The following ITPR2 variants were observed in gnomAD, a reference collection of about 807,000 sequenced individuals.
The protein encoded by ITPR2 is inositol 1,4,5-trisphosphate receptor type 2.
A neutral mutation model predicts 317.1 loss-of-function variants in ITPR2; 207 were observed. That is an observed-to-expected ratio of 0.65 (90% CI 0.58 to 0.73). The LOEUF (loss-of-function observed/expected upper bound fraction) is 0.73. Ranked by LOEUF, ITPR2 falls within the 30% of genes least tolerant of loss-of-function variation. The pLI is 0.00. For missense variants in ITPR2, 2,613 were observed against 3,284.0 expected (o/e 0.80, Z 4.99); for synonymous variants, 1,156 against 1,149.1 (o/e 1.01, Z -0.12).
chr12:26,781,992 GTATATA>G (rs1161714052), intron 2 of ITPR2, among the ~76,000 whole-genome samples: 2,589 of 56,512 alleles, frequency 0.046, 31 homozygotes, highest in Middle Eastern at 0.076. Flanking sequence ...AAACTCCCCT[GTATATA>G]TATATATATA....
At chr12:26,624,807 C>A (rs1449533682) in intron 23 of ITPR2, among the ~76,000 whole-genome samples, 1 of 150,848 alleles carries the variant, frequency 6.6e-6, no homozygotes, top group Non-Finnish European at 1.5e-5. Flanking sequence ...AATTGAGCTA[C>A]CATATGATCC....
chr12:26,811,201 T>C (rs1370818462), intron 1 of ITPR2, among the ~76,000 whole-genome samples: 1 of 152,258 alleles, frequency 6.6e-6, no homozygotes, highest in African/African-American at 2.4e-5. Flanking sequence ...TTTCCAAATA[T>C]GTTTCTTCAT....
At chr12:26,666,162 A>ATAGATAGATTGAT (rs34107444) in intron 13 of ITPR2, 111 bp from the exon 14 acceptor site, 37 of 400,482 alleles carry the variant, frequency 9.2e-5, no homozygotes, top group Non-Finnish European at 1.5e-4. Context: ...AGATAGATAG[A>ATAGATAGATTGAT]TTTTTTTTTA....
intron 26 of ITPR2, among the ~76,000 whole-genome samples, chr12:26,615,630 A>G (rs1413103831): frequency 6.6e-6 from 1 of 152,092 alleles, no homozygotes; most frequent in African/African-American, 2.4e-5. Context: ...AATGGAAGCC[A>G]GAAGACATGG....
chr12:26,376,045 G>A (rs1416437125), intron 55 of ITPR2, among the ~76,000 whole-genome samples: 3 of 152,188 alleles, frequency 2.0e-5, no homozygotes, highest in African/African-American at 7.2e-5. Context: ...ATGCTGCAGT[G>A]AGCCAGGATC....
rs187832398 is a variant in ITPR2 at position 26,431,253 on chromosome 12, T to C, written c.6770-3165A>G. ...TCTAATATAATTTTTTAAAATCACA[T>C]ACTATCTTGGTATAAGACATTCTCA... On this transcript the variant is annotated intron_variant, in intron 48 of 56. Coordinates refer to ENST00000381340, the MANE Select transcript of ITPR2 (RefSeq NM_002223.4). 1.3e-4 allele frequency among the ~76,000 whole-genome samples: 20 copies of C among 152,336 alleles called. No homozygotes were observed. In the East Asian group the frequency reaches 3.7e-3, roughly 28 times the overall value.
chr12:26,425,178 A>G (rs1271894065), intron 49 of ITPR2, among the ~76,000 whole-genome samples: 1 of 152,034 alleles, frequency 6.6e-6, no homozygotes. Flanking sequence ...TCCTGTCCTC[A>G]AGCAATCATC....
intron 39 of ITPR2, 56 bp downstream of exon 39, chr12:26,494,097 A>C (rs1447903520): frequency 7.3e-7 from 1 of 1,362,162 alleles, no homozygotes; most frequent in South Asian, 1.4e-5. Flanking sequence ...TTTCTGTGAC[A>C]AGTAAACAAG....
At chr12:26,721,306 T>A in intron 5 of ITPR2, 1 of 617,060 alleles carries the variant, frequency 1.6e-6, no homozygotes, top group Non-Finnish European at 3.0e-6. Flanking sequence ...TATCACCAGA[T>A]AATTTATTAA....
intron 1 of ITPR2, among the ~76,000 whole-genome samples, chr12:26,827,635 A>G (rs1340959026): frequency 6.6e-6 from 1 of 152,240 alleles, no homozygotes; most frequent in Non-Finnish European, 1.5e-5. Flanking sequence ...ACTTATTTAC[A>G]TGCTAAACAT....
chr12:26,409,915 G>A lies in ITPR2; in HGVS notation c.7399+1405C>T, dbSNP rs146907000. On this transcript the variant is annotated intron_variant, in intron 52 of 56. Transcript: ENST00000381340. ...AAATATGTAGAAAAAAAATGCATGG[G>A]CTTCTATTTGAAATCCCAAACTCCT... Among the ~76,000 whole-genome samples the A allele has an allele frequency of 3.4e-3, 511 of 152,302 alleles. 2 individuals are homozygous for A. Among genetic ancestry groups the A allele is most frequent in the Admixed American group, 6.5e-3 (100 of 15,300 alleles).
intron 45 of ITPR2, among the ~76,000 whole-genome samples, chr12:26,444,613 T>G (rs986311819): frequency 6.6e-6 from 1 of 152,160 alleles, no homozygotes; most frequent in Middle Eastern, 3.2e-3. Flanking sequence ...ACAGAGAGTG[T>G]AAGGAACTTG....
chr12:26,572,581 G>T (rs191669941), intron 34 of ITPR2, among the ~76,000 whole-genome samples: 44 of 152,300 alleles, frequency 2.9e-4, no homozygotes, highest in South Asian at 2.7e-3. Flanking sequence ...TTTAGCTGTT[G>T]GCTAAATTTT....
chr12:26,583,614 T>C (rs1406822706), intron 32 of ITPR2, among the ~76,000 whole-genome samples: 1 of 152,176 alleles, frequency 6.6e-6, no homozygotes, highest in Non-Finnish European at 1.5e-5. Context: ...GGTGACCTAA[T>C]TTATGAATTC....
At chr12:26,544,468 C>T (rs1350347609) in intron 37 of ITPR2, among the ~76,000 whole-genome samples, 2 of 151,810 alleles carry the variant, frequency 1.3e-5, no homozygotes, top group African/African-American at 4.8e-5. Flanking sequence ...AATTTAGAAT[C>T]CCAGGGTTGA....
chr12:26,427,366 C>G (rs1006916070), intron 49 of ITPR2, among the ~76,000 whole-genome samples: 1 of 152,094 alleles, frequency 6.6e-6, no homozygotes, highest in African/African-American at 2.4e-5. Context: ...AATACTACTA[C>G]TCTGTGCTTC....
At chr12:26,506,337 C>A (rs1943182851) in intron 37 of ITPR2, among the ~76,000 whole-genome samples, 1 of 151,734 alleles carries the variant, frequency 6.6e-6, no homozygotes, top group African/African-American at 2.4e-5. Flanking sequence ...AGCAAGACTT[C>A]ATCTCTAATA....
intron 38 of ITPR2, among the ~76,000 whole-genome samples, chr12:26,494,595 C>G (rs1222590372): frequency 6.6e-6 from 1 of 151,514 alleles, no homozygotes; most frequent in Non-Finnish European, 1.5e-5. Context: ...CAGAGTGAAA[C>G]CCCAATTCTA....
chr12:26,638,400 T>C (rs1407976512), intron 21 of ITPR2, among the ~76,000 whole-genome samples: 2 of 152,220 alleles, frequency 1.3e-5, no homozygotes, highest in Admixed American at 6.5e-5. Flanking sequence ...ACGAACCACA[T>C]GCAAACCAGT....
Sources: gnomAD v4.1 joint callset for allele counts (sites outside exome capture counted in the v4.1 genomes callset) on GRCh38, gnomAD v4.1.1 for gene constraint, MANE v1.5 for transcripts, NCBI Gene and HGNC (gene_info 2026-07-23, HGNC 2026-07-21) for gene names.